The following LIMK2 variants were observed in gnomAD, a reference collection of about 807,000 sequenced individuals.
LIMK2 encodes LIM domain kinase 2.
In LIMK2, 35 loss-of-function variants were observed where a neutral mutation model predicts 75.7. The observed-to-expected ratio is 0.46, with a 90% CI of 0.35 to 0.61. The LOEUF (loss-of-function observed/expected upper bound fraction) is 0.61. Ranked by LOEUF, LIMK2 falls within the 20% of genes least tolerant of loss-of-function variation. LIMK2 has a pLI of 0.00. For synonymous variants in LIMK2, 301 were observed against 319.2 expected (o/e 0.94, Z 0.61); for missense variants, 623 against 831.0 (o/e 0.75, Z 3.08).
At chr22:31,231,471 C>A (rs941101002) in intron 2 of LIMK2, among the ~76,000 whole-genome samples, 2 of 152,278 alleles carry the variant, frequency 1.3e-5, no homozygotes, top group South Asian at 4.1e-4. Flanking sequence ...ACAGCCAGCC[C>A]GTAGATCATT....
At chr22:31,259,475 C>T (rs1368901424) in intron 4 of LIMK2, among the ~76,000 whole-genome samples, 1 of 152,162 alleles carries the variant, frequency 6.6e-6, no homozygotes, top group South Asian at 2.1e-4. Context: ...GTGGGAGGCA[C>T]TCTTCAAGGA....
At chr22:31,274,988 G>A (rs2048998516) in intron 14 of LIMK2, among the ~76,000 whole-genome samples, 163 bp from the exon 15 acceptor site, 4 of 152,184 alleles carry the variant, frequency 2.6e-5, no homozygotes, top group Admixed American at 2.6e-4. Context: ...GTCTGGATTA[G>A]TAAGATTTGG....
chr22:31,276,844 G>C (rs1157759094), intron 15 of LIMK2: 9 of 1,612,096 alleles, frequency 5.6e-6, no homozygotes, highest in Non-Finnish European at 7.6e-6. Context: ...TGAGGGCCCA[G>C]TGAGGCGCCA....
Position 31,262,483 on chromosome 22 carries a change from C to T in LIMK2, c.658-112C>T. ...TGTGAGGCCACTGGCAGCTAAAGGC[C>T]ACCATTAGACAAGTTGAGCACTGGC... On this transcript the variant is annotated intron_variant, in intron 6 of 15. Transcript: ENST00000331728. This position sits in a 1 kb window ranked among gnomAD's most constrained non-coding sequence, Gnocchi z 5.0. The T allele has an allele frequency of 9.2e-7, 1 of 1,086,752 alleles. No individual in the cohort carries two copies. The allele number at this position is 1,086,752 out of a possible 1,614,324, so 67.3% of individuals were successfully genotyped here. A position where few individuals can be genotyped will look rare whatever the true frequency, so the allele number is the denominator to read the frequency against.
At chr22:31,222,372 C>CTTTTTTT (rs3068235) in intron 1 of LIMK2, among the ~76,000 whole-genome samples, 2 of 55,198 alleles carry the variant, frequency 3.6e-5, no homozygotes, top group Non-Finnish European at 5.8e-5. Flanking sequence ...TGCCCAGCCT[C>CTTTTTTT]TTTTTTTTTT....
intron 13 of LIMK2, 71 bp from the exon 14 acceptor site, chr22:31,273,381 T>C (rs919238992): frequency 5.9e-5 from 82 of 1,385,628 alleles, no homozygotes; most frequent in Non-Finnish European, 8.1e-5. Flanking sequence ...GTGGCTTAGA[T>C]TGACCCTAGA....
At position 31,248,439 on chromosome 22, in the gene LIMK2, G is replaced by A. The variant is rs1277426400; in HGVS notation, c.117-9852G>A. 15 of 1,458,292 alleles carry A rather than the reference G, an allele frequency of 1.0e-5. 1 individual carries two copies. The highest frequency in any genetic ancestry group is 8.5e-5 in the South Asian group (7 of 82,810). 90.3% of individuals were successfully genotyped at this position (1,458,292 alleles called of 1,614,324 possible). A position where few individuals can be genotyped will look rare whatever the true frequency, so the allele number is the denominator to read the frequency against. On this transcript the variant is annotated intron_variant, in intron 2 of 15. Transcript: ENST00000331728. ...AGTGTGTGTGTAGCCTCCACAGAGA[G>A]GTCGTTTTCTCGGAGTCCAGAGGGG... is the stretch of plus-strand genomic sequence containing the variant.
Position 31,268,689 on chromosome 22 carries a change from A to G in LIMK2, c.1317+489A>G, listed in dbSNP as rs2048922302. 2.0e-5 allele frequency among the ~76,000 whole-genome samples: 3 copies of G among 152,222 alleles called. No homozygotes were observed. In the South Asian group the frequency reaches 6.2e-4, roughly 31 times the overall value. Reference sequence around the variant, plus strand: ...AATCATCTATTTCACCTGGAAACAAATGATTCCAAGCATAGAAATAATAAC... The same window carrying G: ...AATCATCTATTTCACCTGGAAACAAGTGATTCCAAGCATAGAAATAATAAC... On this transcript the variant is annotated intron_variant, in intron 11 of 15. Coordinates refer to ENST00000331728, the MANE Select transcript of LIMK2 (RefSeq NM_005569.4).
intron 2 of LIMK2, among the ~76,000 whole-genome samples, chr22:31,255,848 TC>T (rs1439097660): frequency 1.3e-5 from 2 of 152,104 alleles, no homozygotes; most frequent in Non-Finnish European, 2.9e-5. Context: ...TTAGTTATTT[TC>T]AATGAGAGAA....
chr22:31,221,828 A>ATC (rs2048437200), intron 1 of LIMK2, among the ~76,000 whole-genome samples: 1 of 152,050 alleles, frequency 6.6e-6, no homozygotes, highest in African/African-American at 2.4e-5. Flanking sequence ...TTTGTGTTTA[A>ATC]TCTCTCTCTT....
At chr22:31,267,124 A>T in intron 9 of LIMK2, 54 bp downstream of exon 9, 1 of 997,154 alleles carries the variant, frequency 1.0e-6, no homozygotes, top group Non-Finnish European at 1.5e-6. Context: ...AAGAGAGAAG[A>T]CCTTACAAAT....
Position 31,260,049 on chromosome 22 carries a change from A to C in LIMK2, c.523A>C (p.Asn175His). ...CGTGTCCGTGGAGAGTGCCTGCTCCAACTACGCCACCACTGTGCAAGTGAA... is the reference window on the plus strand; with the variant it reads ...CGTGTCCGTGGAGAGTGCCTGCTCCCACTACGCCACCACTGTGCAAGTGAA... ...FSVSVESACS[N>H]YATTVQVKEV... The change falls in exon 5 of 16, where the codon AAC becomes CAC. Residue 175 changes from asparagine (N) to histidine (H), a missense_variant. Coordinates refer to ENST00000331728, the MANE Select transcript of LIMK2 (RefSeq NM_005569.4). 6.3e-7 allele frequency: 1 copy of C among 1,598,262 alleles called. No homozygotes were observed.
intron 2 of LIMK2, among the ~76,000 whole-genome samples, chr22:31,244,054 T>A (rs2048645600): frequency 6.6e-6 from 1 of 152,162 alleles, no homozygotes; most frequent in Non-Finnish European, 1.5e-5. Context: ...GGGGAGGCAG[T>A]TTTCATGGCA....
rs1569002198 is a variant in LIMK2, at chr22:31,271,127, C to T, written c.1318-9C>T. 1 of 1,613,152 alleles carries T rather than the reference C, an allele frequency of 6.2e-7. No homozygotes were observed. Among genetic ancestry groups the T allele is most frequent in the Non-Finnish European group, 8.5e-7 (1 of 1,179,094 alleles). The stretch of plus-strand genomic sequence containing the variant: ...GGCCCTGTAGCCTCAGCTCATGCTT[C>T]TGTTCCAGGCCTATTTGCACTCTAT... On this transcript the variant is annotated splice_polypyrimidine_tract_variant and intron_variant, in intron 11 of 15. Coordinates refer to ENST00000331728, the MANE Select transcript of LIMK2 (RefSeq NM_005569.4).
At chr22:31,257,769 G>T (rs1419711857) in intron 2 of LIMK2, among the ~76,000 whole-genome samples, 1 of 152,020 alleles carries the variant, frequency 6.6e-6, no homozygotes, top group East Asian at 1.9e-4. Flanking sequence ...TGCCTGATTA[G>T]TTTTTTTATA....
At chr22:31,242,180 A>T (rs1445140379) in intron 2 of LIMK2, among the ~76,000 whole-genome samples, 1 of 152,226 alleles carries the variant, frequency 6.6e-6, no homozygotes, top group Non-Finnish European at 1.5e-5. Flanking sequence ...CATGATGAGT[A>T]ACCCAGTGAA....
intron 2 of LIMK2, among the ~76,000 whole-genome samples, chr22:31,243,201 C>T (rs2048638274): frequency 6.6e-6 from 1 of 152,168 alleles, no homozygotes; most frequent in Non-Finnish European, 1.5e-5. Flanking sequence ...GGATTACAGG[C>T]ATGAGCCACC....
At position 31,225,877 on chromosome 22, in the gene LIMK2, T is replaced by C. The variant is rs1275437308; in HGVS notation, c.116+58T>C. The C allele has an allele frequency of 5.7e-6, 7 of 1,230,570 alleles. No individual in the cohort carries two copies. In the East Asian group the frequency reaches 1.7e-4, roughly 30 times the overall value. The allele number at this position is 1,230,570 out of a possible 1,614,324, so 76.2% of individuals were successfully genotyped here. A position where few individuals can be genotyped will look rare whatever the true frequency, so the allele number is the denominator to read the frequency against. ...GTACTATGGGCCAAGCACTATTTCA[T>C]GTTCTGATGGAAAACACAGAAACAA... On this transcript the variant is annotated intron_variant, in intron 2 of 15. Coordinates refer to ENST00000331728, the MANE Select transcript of LIMK2 (RefSeq NM_005569.4).
intron 2 of LIMK2, among the ~76,000 whole-genome samples, chr22:31,244,363 C>A (rs1180083762): frequency 6.6e-6 from 1 of 152,194 alleles, no homozygotes; most frequent in Admixed American, 6.5e-5. Flanking sequence ...TTGGGGCCCC[C>A]TTCTTGCCTG....
Sources: allele counts gnomAD v4.1 joint callset (sites outside exome capture counted in the v4.1 genomes callset), GRCh38; gene constraint gnomAD v4.1.1; non-coding constraint Gnocchi (gnomAD v3.1); transcripts MANE v1.5; gene names NCBI Gene and HGNC (gene_info 2026-07-23, HGNC 2026-07-21).